Variants in IGF1R observed in about 807,000 individuals in gnomAD.
IGF1R encodes insulin like growth factor 1 receptor.
In IGF1R, 44 loss-of-function variants were observed where a neutral mutation model predicts 144.6. The observed-to-expected ratio is 0.30, with a 90% CI of 0.24 to 0.39. The LOEUF is 0.39. Among genes scored for constraint, IGF1R ranks in the 10% least tolerant of loss-of-function variants. The pLI is 1.00. For missense variants in IGF1R, 1,355 were observed against 1,833.7 expected, an observed-to-expected ratio of 0.74 and a Z score of 4.77; for synonymous variants, 795 against 722.8, an observed-to-expected ratio of 1.10 and a Z score of -1.60.
At chr15:98,794,099 T>C (rs145555634) in intron 2 of IGF1R, among the ~76,000 whole-genome samples, 1 of 152,356 alleles carries the variant, frequency 6.6e-6, no homozygotes, top group East Asian at 1.9e-4. Flanking sequence ...GTCCTCTGCA[T>C]TCAGTTCAGC....
intron 2 of IGF1R, among the ~76,000 whole-genome samples, chr15:98,883,252 G>C (rs376328360): frequency 6.6e-6 from 1 of 152,236 alleles, no homozygotes; most frequent in Non-Finnish European, 1.5e-5. Flanking sequence ...GCAGAAACCT[G>C]TTTGGAAGTT....
chr15:98,914,506 T>C (rs1054927008), intron 8 of IGF1R, among the ~76,000 whole-genome samples: 38 of 152,328 alleles, frequency 2.5e-4, no homozygotes, highest in Admixed American at 8.5e-4. Context: ...GTCATGTCAC[T>C]GGGTAAAGTG....
intron 1 of IGF1R, among the ~76,000 whole-genome samples, chr15:98,685,178 C>G (rs1406401227): frequency 6.6e-6 from 1 of 152,054 alleles, no homozygotes; most frequent in Non-Finnish European, 1.5e-5. Context: ...CTCCTGGACT[C>G]AAGCAGTCCT....
At chr15:98,909,267 T>TC (rs10667542) in intron 6 of IGF1R, among the ~76,000 whole-genome samples, 11 of 124,074 alleles carry the variant, frequency 8.9e-5, no homozygotes, top group South Asian at 2.8e-4. Context: ...TTTTCTTTTT[T>TC]TTTTTTTTTT....
intron 2 of IGF1R, among the ~76,000 whole-genome samples, chr15:98,749,148 C>T (rs1052140530): frequency 1.4e-5 from 2 of 143,534 alleles, no homozygotes; most frequent in African/African-American, 5.2e-5. Flanking sequence ...AGCATAGTTG[C>T]AGTAGAATTT....
chr15:98,854,958 T>C (rs954195737), intron 2 of IGF1R, among the ~76,000 whole-genome samples: 5 of 151,260 alleles, frequency 3.3e-5, no homozygotes, highest in Non-Finnish European at 7.4e-5. Context: ...CCAACACATG[T>C]GGAGTACCTT....
chr15:98,824,413 A>G (rs958471871), intron 2 of IGF1R, among the ~76,000 whole-genome samples: 5 of 152,092 alleles, frequency 3.3e-5, no homozygotes, highest in South Asian at 4.1e-4. Context: ...CTTCCCTCCA[A>G]TACATCCTGT....
intron 2 of IGF1R, among the ~76,000 whole-genome samples, chr15:98,813,003 C>T (rs1256421653): frequency 6.6e-6 from 1 of 152,188 alleles, no homozygotes; most frequent in African/African-American, 2.4e-5. Context: ...AGTGGCTTCT[C>T]CGATAGTGCT....
At chr15:98,799,093 T>A (rs1567134526) in intron 2 of IGF1R, among the ~76,000 whole-genome samples, 1 of 152,058 alleles carries the variant, frequency 6.6e-6, no homozygotes, top group African/African-American at 2.4e-5. Context: ...ACCCCAGGAT[T>A]TAAGATGTTT....
At chr15:98,772,404 G>C (rs1261300174) in intron 2 of IGF1R, among the ~76,000 whole-genome samples, 1 of 151,248 alleles carries the variant, frequency 6.6e-6, no homozygotes, top group African/African-American at 2.4e-5. Context: ...TATTGAACAA[G>C]CTGTTCTGAA....
At position 98,920,172 on chromosome 15, in the gene IGF1R, G is replaced by A. The variant is rs2015424077; in HGVS notation, c.2202-1976G>A. On this transcript the variant is annotated intron_variant, in intron 10 of 20. Coordinates refer to ENST00000650285, the MANE Select transcript of IGF1R (RefSeq NM_000875.5). ...AGGTTGTATTATGGGATGGAGTGGG[G>A]AAAGTTGGCAGTAATGTTTGCTTTT... is the stretch of plus-strand genomic sequence containing the variant. 2.6e-5 allele frequency among the ~76,000 whole-genome samples: 4 copies of A among 152,342 alleles called. No homozygotes were observed. In the South Asian group the frequency reaches 8.3e-4, roughly 32 times the overall value.
chr15:98,664,860 TA>T (rs762378834), intron 1 of IGF1R, among the ~76,000 whole-genome samples: 5,652 of 146,114 alleles, frequency 0.039, 338 homozygotes, highest in African/African-American at 0.13. Flanking sequence ...TTACTTCCTT[TA>T]AAAAAAAAAA....
Position 98,707,764 on chromosome 15 carries a change from C to A in IGF1R, c.297C>A (p.Leu99=). The A allele has an allele frequency of 6.2e-7, 1 of 1,614,210 alleles. No homozygotes were observed. The highest frequency in any genetic ancestry group is 1.1e-5 in the South Asian group (1 of 91,086). The stretch of plus-strand genomic sequence containing the variant: ...CTGGCCTCGAGAGCCTCGGAGACCT[C>A]TTCCCCAACCTCACGGTCATCCGCG... ...RVAGLESLGD[L]FPNLTVIRGW... Residue 99 remains leucine, a synonymous_variant, in exon 2 of 21, where the codon CTC becomes CTA. Coordinates refer to ENST00000650285, the MANE Select transcript of IGF1R (RefSeq NM_000875.5). The surrounding 1 kb of genome is among the most constrained non-coding windows in gnomAD (Gnocchi z 6.7).
intron 5 of IGF1R, among the ~76,000 whole-genome samples, chr15:98,900,090 TAGAA>T (rs1454523745): frequency 1.3e-5 from 2 of 152,206 alleles, no homozygotes; most frequent in South Asian, 2.1e-4. Context: ...TTCGTTTTGT[TAGAA>T]AGAAACCCGG....
chr15:98,677,257 A>C (rs538721778), intron 1 of IGF1R, among the ~76,000 whole-genome samples: 2 of 152,044 alleles, frequency 1.3e-5, no homozygotes, highest in Admixed American at 6.6e-5. Context: ...CTTTTAGGTG[A>C]TTATTGGTTG....
chr15:98,830,905 G>C (rs566922932), intron 2 of IGF1R, among the ~76,000 whole-genome samples: 1 of 152,244 alleles, frequency 6.6e-6, no homozygotes, highest in Admixed American at 6.5e-5. Context: ...CGCCCGGCCA[G>C]GATCTGATCA....
chr15:98,661,749 T>G (rs1231280288), intron 1 of IGF1R, among the ~76,000 whole-genome samples: 1 of 152,200 alleles, frequency 6.6e-6, no homozygotes, highest in Non-Finnish European at 1.5e-5. Context: ...GGAATAACAC[T>G]GCTCTAGCAG....
rs2052266321 is a variant in IGF1R at position 98,648,985 on chromosome 15, C to T, written c.-597C>T. On this transcript the variant is annotated 5_prime_UTR_variant, in exon 1 of 21. Coordinates refer to ENST00000650285, the MANE Select transcript of IGF1R (RefSeq NM_000875.5). ...GTCCTGGATTTGGGAAGGAGCTCGC[C>T]GCGGCGGCGGCGGCGCTGAGGGAGG... The T allele has an allele frequency of 2.4e-5, 5 of 210,718 alleles. No individual in the cohort carries two copies. Among genetic ancestry groups the T allele is most frequent in the Admixed American group, 1.2e-4 (2 of 16,708 alleles). 13.1% of individuals were successfully genotyped at this position (210,718 alleles called of 1,614,324 possible). A position where few individuals can be genotyped will look rare whatever the true frequency, so the allele number is the denominator to read the frequency against.
At chr15:98,692,104 G>T (rs2141233635) in intron 1 of IGF1R, among the ~76,000 whole-genome samples, 1 of 152,270 alleles carries the variant, frequency 6.6e-6, no homozygotes, top group East Asian at 1.9e-4. Flanking sequence ...GGGAGTCCGA[G>T]GCGGGCAGAT....
Sources: allele counts gnomAD v4.1 joint callset (sites outside exome capture counted in the v4.1 genomes callset), GRCh38; gene constraint gnomAD v4.1.1; non-coding constraint Gnocchi (gnomAD v3.1); transcripts MANE v1.5; gene names NCBI Gene and HGNC (gene_info 2026-07-23, HGNC 2026-07-21).